ESRRG: variants seen among roughly 807,000 people sequenced by gnomAD.
ESRRG encodes the protein estrogen-related receptor gamma.
A neutral mutation model predicts 44.0 loss-of-function variants in ESRRG; 13 were observed. That is an observed-to-expected ratio of 0.30 (90% CI 0.19 to 0.47). The LOEUF (loss-of-function observed/expected upper bound fraction) is 0.47, where lower values mean the gene tolerates loss of function less well. Ranked by LOEUF, ESRRG falls within the 20% of genes least tolerant of loss-of-function variation. The pLI is 1.00. For missense variants in ESRRG, 395 were observed against 580.6 expected, an observed-to-expected ratio of 0.68 and a Z score of 3.29; for synonymous variants, 215 against 214.6, an observed-to-expected ratio of 1.00 and a Z score of -0.02.
At chr1:216,672,208 T>A (rs1256293276) in intron 2 of ESRRG, among the ~76,000 whole-genome samples, 1 of 152,196 alleles carries the variant, frequency 6.6e-6, no homozygotes, top group Admixed American at 6.5e-5. Flanking sequence ...GTAACCCTAT[T>A]GGATGACAGG....
At chr1:216,788,166 A>G (rs902391985) in intron 2 of ESRRG, among the ~76,000 whole-genome samples, 27 of 152,278 alleles carry the variant, frequency 1.8e-4, no homozygotes, top group African/African-American at 6.3e-4. Flanking sequence ...GTGGCTTTAA[A>G]CAACAGATTT....
intron 2 of ESRRG, among the ~76,000 whole-genome samples, chr1:216,927,558 A>G (rs1040634360): frequency 1.2e-4 from 18 of 152,212 alleles, no homozygotes; most frequent in Admixed American, 1.3e-4. Flanking sequence ...AAAAAGGATA[A>G]TACTTCCAAA....
intron 2 of ESRRG, among the ~76,000 whole-genome samples, chr1:216,893,113 G>A (rs917253529): frequency 9.2e-5 from 14 of 152,062 alleles, no homozygotes; most frequent in Non-Finnish European, 1.9e-4. Context: ...TTTGCTATTC[G>A]TTGAAACAAA....
chr1:216,841,900 CA>C (rs963944172), intron 2 of ESRRG, among the ~76,000 whole-genome samples: 4 of 149,254 alleles, frequency 2.7e-5, no homozygotes, highest in Admixed American at 6.7e-5. Flanking sequence ...AGATGATTTA[CA>C]AAAAAAAAGA....
At chr1:216,690,803 G>C (rs2078920092) in intron 1 of ESRRG, among the ~76,000 whole-genome samples, 1 of 152,194 alleles carries the variant, frequency 6.6e-6, no homozygotes, top group Non-Finnish European at 1.5e-5. Flanking sequence ...AGGACTCCCA[G>C]AATTACAGGC....
chr1:216,662,770 T>C (rs1228588760), intron 2 of ESRRG, among the ~76,000 whole-genome samples: 1 of 152,166 alleles, frequency 6.6e-6, no homozygotes, highest in Non-Finnish European at 1.5e-5. Flanking sequence ...AGATTGTACA[T>C]ATTTTTGTCT....
At chr1:217,045,382 A>G (rs1488881226) in intron 1 of ESRRG, among the ~76,000 whole-genome samples, 1 of 152,238 alleles carries the variant, frequency 6.6e-6, no homozygotes, top group East Asian at 1.9e-4. Context: ...AACTTCTAAC[A>G]TAACAGTCTC....
At chr1:217,137,381 A>AG (rs1032424871) in intron 1 of ESRRG, among the ~76,000 whole-genome samples, 5 of 152,120 alleles carry the variant, frequency 3.3e-5, no homozygotes, top group African/African-American at 1.2e-4. Context: ...AGAAATACTA[A>AG]GGGGGCTCAG....
At chr1:216,990,234 G>A (rs1276634830) in intron 1 of ESRRG, among the ~76,000 whole-genome samples, 1 of 152,114 alleles carries the variant, frequency 6.6e-6, no homozygotes, top group Non-Finnish European at 1.5e-5. Flanking sequence ...TGATCAATGT[G>A]TAACCCAACC....
chr1:216,542,820 A>C (rs542148728), intron 5 of ESRRG, among the ~76,000 whole-genome samples: 2 of 152,092 alleles, frequency 1.3e-5, no homozygotes, highest in East Asian at 3.9e-4. Context: ...AGAGTCTTGC[A>C]TGTCTCATGC....
intron 1 of ESRRG, among the ~76,000 whole-genome samples, chr1:216,687,263 A>G (rs1372677051): frequency 2.0e-5 from 3 of 151,926 alleles, no homozygotes; most frequent in Non-Finnish European, 2.9e-5. Context: ...GCTTTTGCTC[A>G]TTACGTTTTT....
chr1:216,585,957 G>A (rs971840964), intron 3 of ESRRG, among the ~76,000 whole-genome samples: 3 of 152,042 alleles, frequency 2.0e-5, no homozygotes, highest in East Asian at 1.9e-4. Context: ...GGAGAATGGC[G>A]TGAACCCGGG....
At chr1:216,770,312 A>G (rs2093328424) in intron 2 of ESRRG, among the ~76,000 whole-genome samples, 1 of 152,146 alleles carries the variant, frequency 6.6e-6, no homozygotes, top group African/African-American at 2.4e-5. Context: ...CACACAGGAG[A>G]CTTAAACATG....
chr1:216,845,610 T>G (rs1397158293), intron 2 of ESRRG, among the ~76,000 whole-genome samples: 2 of 151,218 alleles, frequency 1.3e-5, no homozygotes, highest in African/African-American at 4.9e-5. Context: ...GCTATACTGT[T>G]TTATCCCCTC....
At chr1:216,831,587 A>T (rs2095488526) in intron 2 of ESRRG, among the ~76,000 whole-genome samples, 1 of 152,094 alleles carries the variant, frequency 6.6e-6, no homozygotes, top group Non-Finnish European at 1.5e-5. Flanking sequence ...AGAGATTACT[A>T]AATACTAATA....
At chr1:216,750,570 T>G (rs1346127027) in intron 2 of ESRRG, among the ~76,000 whole-genome samples, 2 of 152,114 alleles carry the variant, frequency 1.3e-5, no homozygotes, top group Admixed American at 1.3e-4. Flanking sequence ...ATGATGCTAC[T>G]TGCTAGGATC....
chr1:216,910,872 T>C (rs969614479), intron 2 of ESRRG, among the ~76,000 whole-genome samples: 3 of 152,214 alleles, frequency 2.0e-5, no homozygotes, highest in Non-Finnish European at 2.9e-5. Context: ...TAAGAAAGCT[T>C]TGAGACTATA....
At chr1:216,859,150 C>T (rs1336358051) in intron 2 of ESRRG, among the ~76,000 whole-genome samples, 1 of 152,110 alleles carries the variant, frequency 6.6e-6, no homozygotes, top group East Asian at 1.9e-4. Context: ...CAACAAGGAC[C>T]AGACTTACCC....
At chr1:216,873,740 C>T (rs972023760) in intron 2 of ESRRG, among the ~76,000 whole-genome samples, 3 of 151,100 alleles carry the variant, frequency 2.0e-5, no homozygotes, top group Non-Finnish European at 4.4e-5. Flanking sequence ...CTCTTGGGAC[C>T]ACAGCTCCAC....
Sources: allele counts gnomAD v4.1 joint callset (sites outside exome capture counted in the v4.1 genomes callset), GRCh38; gene constraint gnomAD v4.1.1; transcripts MANE v1.5; gene names NCBI Gene and HGNC (gene_info 2026-07-23, HGNC 2026-07-21).